Variants in AP4M1 observed in about 807,000 individuals in gnomAD.
AP4M1 encodes AP-4 complex subunit mu-1.
AP4M1 carries 58 observed loss-of-function variants against 62.4 expected under a neutral mutation model. The ratio of observed to expected loss-of-function variants is 0.93; its 90% CI spans 0.75 to 1.16. The LOEUF is 1.16. Ranked by LOEUF, AP4M1 falls within the 50% of genes most tolerant of loss-of-function variation. The pLI is 0.00. For missense variants in AP4M1, 626 were observed against 585.4 expected (o/e 1.07, Z -0.72); for synonymous variants, 290 against 239.7 (o/e 1.21, Z -1.94).
At position 100,107,208 on chromosome 7, in the gene AP4M1, C is replaced by T; in HGVS notation, c.*326C>T. The T allele has an allele frequency of 6.6e-7, 1 of 1,518,334 alleles. No homozygotes were observed. The highest frequency in any genetic ancestry group is 8.8e-7 in the Non-Finnish European group (1 of 1,135,880). 94.1% of individuals were successfully genotyped at this position (1,518,334 alleles called of 1,614,324 possible). A position where few individuals can be genotyped will look rare whatever the true frequency, so the allele number is the denominator to read the frequency against. ...TGTGTACGTGCACGTGTGTACATGT[C>T]TGCATGTGTGGGAATCCGGGGGCTG... On this transcript the variant is annotated 3_prime_UTR_variant, in exon 15 of 15. Coordinates refer to ENST00000359593, the MANE Select transcript of AP4M1 (RefSeq NM_004722.4).
At chr7:100,103,195 C>T in intron 4 of AP4M1, 2 of 662,664 alleles carry the variant, frequency 3.0e-6, no homozygotes, top group South Asian at 3.5e-5. Flanking sequence ...CCCCAGCCTC[C>T]CCTGTGCCTA....
chr7:100,100,841 G>A (rs1324246852), upstream of AP4M1: 1 of 1,009,076 alleles, frequency 9.9e-7, no homozygotes, highest in Non-Finnish European at 1.2e-6. Context: ...GGCGCGCAGC[G>A]GCCCCGGCCT....
rs1796881552 is a variant in AP4M1, at chr7:100,108,981, T to G, written c.*2099T>G. 6.6e-6 allele frequency: 1 copy of G among 150,692 alleles called. No individual in the cohort carries two copies. Among genetic ancestry groups the G allele is most frequent in the Non-Finnish European group, 1.4e-5 (1 of 69,036 alleles). 9.3% of individuals were successfully genotyped at this position (150,692 alleles called of 1,614,324 possible). ...GAGGCTGCAGTGAGCAGAGGTTGCA[T>G]CAGTGCACTCCCGCTTGGGTGACAG... On this transcript the variant is annotated 3_prime_UTR_variant, in exon 15 of 15. Coordinates refer to ENST00000359593, the MANE Select transcript of AP4M1 (RefSeq NM_004722.4).
In AP4M1 at chr7:100,101,693, T is replaced by C. The variant is rs752631604; in HGVS notation, c.-22T>C. The C allele has an allele frequency of 6.2e-7, 1 of 1,611,132 alleles. No individual in the cohort carries two copies. ...GGCAGGCCCGACTTTCGCCGTCTTCTTGTCTACTCTCCAGAACGGCCATGA... is the reference window on the plus strand; with the variant it reads ...GGCAGGCCCGACTTTCGCCGTCTTCCTGTCTACTCTCCAGAACGGCCATGA... On this transcript the variant is annotated 5_prime_UTR_variant, in exon 1 of 15. Coordinates refer to ENST00000359593, the MANE Select transcript of AP4M1 (RefSeq NM_004722.4).
Position 100,102,501 on chromosome 7 carries a change from A to T in AP4M1, c.148-174A>T. On this transcript the variant is annotated intron_variant, in intron 2 of 14. Transcript: ENST00000359593. ...CTCAGCAACTCGGGGTAGTTAGTGT[A>T]ATTAACCCCCTTTCCACATTGGGAA... The T allele has an allele frequency of 4.5e-6, 3 of 670,878 alleles. No individual in the cohort carries two copies. In the East Asian group the frequency reaches 8.2e-5, roughly 18 times the overall value. The allele number at this position is 670,878 out of a possible 1,614,324, so 41.6% of individuals were successfully genotyped here.
chr7:100,105,627 T>C, intron 11 of AP4M1, 88 bp downstream of exon 11: 1 of 1,332,580 alleles, frequency 7.5e-7, no homozygotes, highest in East Asian at 2.4e-5. Flanking sequence ...GTGGGGGTGG[T>C]GGTAGTGGTG....
chr7:100,106,955 C>T lies in AP4M1; in HGVS notation c.*73C>T, dbSNP rs781645974. The T allele has an allele frequency of 6.7e-7, 1 of 1,502,750 alleles. No individual in the cohort carries two copies. Among genetic ancestry groups the T allele is most frequent in the Non-Finnish European group, 9.0e-7 (1 of 1,110,534 alleles). 93.1% of individuals were successfully genotyped at this position (1,502,750 alleles called of 1,614,324 possible). The stretch of plus-strand genomic sequence containing the variant: ...GGGAGGACAGTCGTTTCTTTTCCAG[C>T]CTCCTGGCCTTCGGACTCTGAATCT... On this transcript the variant is annotated 3_prime_UTR_variant, in exon 15 of 15. Coordinates refer to ENST00000359593, the MANE Select transcript of AP4M1 (RefSeq NM_004722.4).
chr7:100,107,405 A>G lies in AP4M1; in HGVS notation c.*523A>G. On this transcript the variant is annotated 3_prime_UTR_variant, in exon 15 of 15. Transcript: ENST00000359593. ...ACGATGCCGGGGGAGGAACTGGAGA[A>G]GGATGGGAGGTGGGGCCTCCTTTGC... 1 of 1,604,326 alleles carries G rather than the reference A, an allele frequency of 6.2e-7. No individual in the cohort carries two copies. Among genetic ancestry groups the G allele is most frequent in the Non-Finnish European group, 8.5e-7 (1 of 1,174,082 alleles).
upstream of AP4M1, chr7:100,101,528 G>A (rs943462832): frequency 1.3e-5 from 10 of 792,250 alleles, no homozygotes; most frequent in Non-Finnish European, 1.9e-5. Flanking sequence ...CGGGGAGGCG[G>A]TGCGGGCGTC....
At position 100,101,699 on chromosome 7, in the gene AP4M1, A is replaced by G. The variant is rs1796046628; in HGVS notation, c.-16A>G. ...CCCGACTTTCGCCGTCTTCTTGTCT[A>G]CTCTCCAGAACGGCCATGATTTCCC... On this transcript the variant is annotated 5_prime_UTR_variant, in exon 1 of 15. Transcript: ENST00000359593. 6.2e-7 allele frequency: 1 copy of G among 1,611,452 alleles called. No homozygotes were observed. Among genetic ancestry groups the G allele is most frequent in the Non-Finnish European group, 8.5e-7 (1 of 1,178,398 alleles).
chr7:100,105,181 T>A, intron 9 of AP4M1, 59 bp from the exon 10 acceptor site: 1 of 1,611,976 alleles, frequency 6.2e-7, no homozygotes, highest in South Asian at 1.1e-5. Context: ...GCCTCCCCTC[T>A]CCTTGCTCCT....
At position 100,103,061 on chromosome 7, in the gene AP4M1, C is replaced by CTTTTTTTTTT. The variant is rs55764736; in HGVS notation, c.351+113_351+122dup. 3 of 530,824 alleles carry CTTTTTTTTTT rather than the reference C, an allele frequency of 5.7e-6. No individual in the cohort carries two copies. The African/African-American group carries it at 7.9e-5, about 14-fold the overall frequency. The allele number at this position is 530,824 out of a possible 1,614,324, so 32.9% of individuals were successfully genotyped here. ...GCCGTGGTTAGGAGGCCAAGTCTAC[C>CTTTTTTTTTT]TTTTTTTTTTTTTTTTTTTTTGCTT... On this transcript the variant is annotated intron_variant, in intron 4 of 14. Coordinates refer to ENST00000359593, the MANE Select transcript of AP4M1 (RefSeq NM_004722.4).
chr7:100,101,241 C>T (rs1584502332), upstream of AP4M1: 2 of 1,612,980 alleles, frequency 1.2e-6, no homozygotes, highest in African/African-American at 2.7e-5. Flanking sequence ...GCAGGACGCC[C>T]TCCCGGGCTC....
At position 100,107,552 on chromosome 7, in the gene AP4M1, G is replaced by A. The variant is rs1562917447; in HGVS notation, c.*670G>A. 3 of 1,614,036 alleles carry A rather than the reference G, an allele frequency of 1.9e-6. No homozygotes were observed. Among genetic ancestry groups the A allele is most frequent in the Non-Finnish European group, 2.5e-6 (3 of 1,179,996 alleles). On this transcript the variant is annotated 3_prime_UTR_variant, in exon 15 of 15. Coordinates refer to ENST00000359593, the MANE Select transcript of AP4M1 (RefSeq NM_004722.4). ...CCAACTTGACGATGGGCTGCACGCT[G>A]GGGACGGTGGTGGTGACGGGCGAAG...
chr7:100,103,228 A>G, intron 4 of AP4M1, 181 bp from the exon 5 acceptor site: 1 of 686,244 alleles, frequency 1.5e-6, no homozygotes, highest in South Asian at 1.6e-5. Flanking sequence ...TTTTTTGTAG[A>G]GACTAGAGTC....
Position 100,103,366 on chromosome 7 carries a change from T to C in AP4M1, c.352-43T>C, listed in dbSNP as rs1796215919. The C allele has an allele frequency of 1.9e-6, 3 of 1,552,840 alleles. No individual in the cohort carries two copies. The Admixed American group carries it at 5.0e-5, about 26-fold the overall frequency. On this transcript the variant is annotated intron_variant, in intron 4 of 14. Transcript: ENST00000359593. Reference sequence around the variant, plus strand: ...TGGCCCCACTCCCCCTCTTTACCCCTTCCCTCCACTGATCACTCAGACTGT... The same window carrying C: ...TGGCCCCACTCCCCCTCTTTACCCCCTCCCTCCACTGATCACTCAGACTGT...
Position 100,102,721 on chromosome 7 carries a change from A to C in AP4M1, c.194A>C (p.Tyr65Ser), listed in dbSNP as rs770061047. The C allele has an allele frequency of 1.8e-5, 29 of 1,614,096 alleles. No homozygotes were observed. Among genetic ancestry groups the C allele is most frequent in the Middle Eastern group, 3.3e-4 (2 of 6,062 alleles). The change falls in exon 3 of 15, where the codon TAT becomes TCT. Residue 65 changes from tyrosine (Y) to serine (S), a missense_variant. Tyr to Ser is a moderately radical substitution (Grantham distance 144). Coordinates refer to ENST00000359593, the MANE Select transcript of AP4M1 (RefSeq NM_004722.4). Reference protein sequence around the residue: ...HFIHIRHSGLYLVVTTSENVS... With the variant: ...HFIHIRHSGLSLVVTTSENVS... ...ATTCACATCAGACACAGCGGCCTCT[A>C]TTTGGTGGTCACAACTTCAGAAAAC...
rs549241595 is a variant in AP4M1, at chr7:100,103,682, G to T, written c.533G>T (p.Arg178Leu). The T allele has an allele frequency of 3.1e-6, 5 of 1,612,114 alleles. No homozygotes were observed. The highest frequency in any genetic ancestry group is 4.5e-5 in the East Asian group (2 of 44,876). ...GCCAGCCGCCCCGTCCTGTCCAGTCGCTCTGACCAGGTGAGGGAAGGATCC... is the reference window on the plus strand; with the variant it reads ...GCCAGCCGCCCCGTCCTGTCCAGTCTCTCTGACCAGGTGAGGGAAGGATCC... ...SAASRPVLSS[R>L]SDQSQKNEVF... The change falls in exon 6 of 15, where the codon CGC becomes CTC. Residue 178 changes from arginine (R) to leucine (L), a missense_variant. Arg to Leu is a moderately radical substitution (Grantham distance 102). Coordinates refer to ENST00000359593, the MANE Select transcript of AP4M1 (RefSeq NM_004722.4).
chr7:100,108,677 T>C lies in AP4M1; in HGVS notation c.*1795T>C, dbSNP rs1168006112. ...ATTCCTTATCATCTCAGTGCCCCTG[T>C]TGAAGGCCAAATTATGCTGAACTAT... On this transcript the variant is annotated 3_prime_UTR_variant, in exon 15 of 15. Transcript: ENST00000359593. The C allele has an allele frequency of 1.1e-5, 10 of 913,278 alleles. No individual in the cohort carries two copies. The East Asian group carries it at 2.1e-4, about 19-fold the overall frequency. The allele number at this position is 913,278 out of a possible 1,614,324, so 56.6% of individuals were successfully genotyped here. A position where few individuals can be genotyped will look rare whatever the true frequency, so the allele number is the denominator to read the frequency against.
Sources: allele counts gnomAD v4.1 joint callset, GRCh38; gene constraint gnomAD v4.1.1; transcripts MANE v1.5; gene names NCBI Gene and HGNC (gene_info 2026-07-23, HGNC 2026-07-21).